SV2C: variants seen among roughly 807,000 people sequenced by gnomAD.
SV2C encodes the protein synaptic vesicle glycoprotein 2C.
Under a neutral mutation model 79.7 loss-of-function variants are expected in SV2C, and 49 were observed. That is an observed-to-expected ratio of 0.61 (90% CI 0.49 to 0.78). The LOEUF (loss-of-function observed/expected upper bound fraction) is 0.78, where lower values mean the gene tolerates loss of function less well. SV2C is among the 30% of genes least tolerant of loss of function. The pLI, the probability that SV2C is intolerant of heterozygous loss-of-function variation, is 0.00. For synonymous variants in SV2C, 334 were observed against 333.2 expected (o/e 1.00, Z -0.03); for missense variants, 833 against 912.9 (o/e 0.91, Z 1.13).
chr5:76,001,839 T>C, the SV2C span, among the ~76,000 whole-genome samples: 1 of 152,188 alleles, frequency 6.6e-6, no homozygotes, highest in African/African-American at 2.4e-5. Flanking sequence ...AAACAGGTGG[T>C]GTTCAGTTGC....
At chr5:75,884,307 G>T in the SV2C span, among the ~76,000 whole-genome samples, 1 of 152,108 alleles carries the variant, frequency 6.6e-6, no homozygotes, top group Admixed American at 6.6e-5. Context: ...TGCCAACAAT[G>T]CCATTTTGCT....
the SV2C span, among the ~76,000 whole-genome samples, chr5:75,913,917 G>T: frequency 6.6e-6 from 1 of 152,008 alleles, no homozygotes; most frequent in Non-Finnish European, 1.5e-5. Flanking sequence ...TTGTGATAAA[G>T]ATCATAGCTA....
intron 12 of SV2C, among the ~76,000 whole-genome samples, chr5:76,352,453 C>T (rs1749660102): frequency 6.6e-6 from 1 of 152,142 alleles, no homozygotes; most frequent in Non-Finnish European, 1.5e-5. Flanking sequence ...TTAACGTTAT[C>T]TCAAGAGTGG....
chr5:76,273,089 T>C (rs988780840), intron 4 of SV2C, among the ~76,000 whole-genome samples: 34 of 150,128 alleles, frequency 2.3e-4, no homozygotes, highest in Admixed American at 1.5e-3. Flanking sequence ...TGGTCAACAT[T>C]TGACTATCCT....
the SV2C span, among the ~76,000 whole-genome samples, chr5:75,936,583 G>A: frequency 6.6e-6 from 1 of 152,150 alleles, no homozygotes; most frequent in Admixed American, 6.6e-5. Flanking sequence ...TATGGGGTGG[G>A]CCACAGCTAA....
the SV2C span, among the ~76,000 whole-genome samples, chr5:75,920,307 A>G: frequency 6.6e-6 from 1 of 152,316 alleles, no homozygotes; most frequent in East Asian, 1.9e-4. Flanking sequence ...TTTCCTTTCA[A>G]GAACAAAAGT....
At chr5:76,061,953 C>CT in the SV2C span, among the ~76,000 whole-genome samples, 1 of 93,272 alleles carries the variant, frequency 1.1e-5, no homozygotes, top group Non-Finnish European at 1.9e-5. Flanking sequence ...CAAATTTTGG[C>CT]TTTTTTTTAA....
chr5:76,138,838 G>A (rs1232326414), intron 2 of SV2C, among the ~76,000 whole-genome samples: 1 of 152,168 alleles, frequency 6.6e-6, no homozygotes, highest in East Asian at 1.9e-4. Flanking sequence ...ACTATTTTGG[G>A]CCGGGCACAG....
At chr5:76,236,491 G>A (rs566721414) in intron 4 of SV2C, among the ~76,000 whole-genome samples, 1 of 152,078 alleles carries the variant, frequency 6.6e-6, no homozygotes, top group South Asian at 2.1e-4. Context: ...GAACCCAGGG[G>A]GCAGAGGTTG....
chr5:76,202,499 C>T (rs1744481488), intron 3 of SV2C, among the ~76,000 whole-genome samples: 1 of 152,176 alleles, frequency 6.6e-6, no homozygotes, highest in Admixed American at 6.5e-5. Flanking sequence ...GCTTCAGACT[C>T]AACCAGAAAT....
chr5:76,084,148 C>G (rs1225671639), intron 1 of SV2C: 1 of 152,332 alleles, frequency 6.6e-6, no homozygotes, highest in Non-Finnish European at 1.5e-5. Context: ...GCAGGGGAGC[C>G]CGCGGGGCTG....
chr5:76,098,471 T>A (rs1002043116), intron 1 of SV2C, among the ~76,000 whole-genome samples: 1 of 152,264 alleles, frequency 6.6e-6, no homozygotes, highest in Non-Finnish European at 1.5e-5. Context: ...GCTGGAGTAT[T>A]GATAAAGGCA....
intron 1 of SV2C, among the ~76,000 whole-genome samples, chr5:76,091,195 T>C (rs1423194958): frequency 6.6e-6 from 1 of 152,152 alleles, no homozygotes; most frequent in African/African-American, 2.4e-5. Context: ...AAGTGTAAAG[T>C]CTATTACTTT....
At chr5:76,208,191 C>A (rs1351665177) in intron 3 of SV2C, among the ~76,000 whole-genome samples, 6 of 152,146 alleles carry the variant, frequency 3.9e-5, no homozygotes, top group Middle Eastern at 3.4e-3. Flanking sequence ...ACACTGTGAC[C>A]CATTATATAT....
At chr5:76,311,804 C>G (rs1195108444) in intron 12 of SV2C, among the ~76,000 whole-genome samples, 1 of 152,164 alleles carries the variant, frequency 6.6e-6, no homozygotes, top group Admixed American at 6.5e-5. Context: ...CCTTTTCCCT[C>G]ATTTCTCCGT....
the SV2C span, among the ~76,000 whole-genome samples, chr5:76,001,569 A>G: frequency 6.6e-6 from 1 of 150,408 alleles, no homozygotes; most frequent in Non-Finnish European, 1.5e-5. Flanking sequence ...AGCCTGGGTG[A>G]CAGAGCAAGA....
chr5:76,113,214 G>A (rs894436761), intron 1 of SV2C, among the ~76,000 whole-genome samples: 20 of 152,106 alleles, frequency 1.3e-4, no homozygotes, highest in Non-Finnish European at 1.8e-4. Flanking sequence ...GCTCAGCTTC[G>A]ACCTCACTCC....
the SV2C span, among the ~76,000 whole-genome samples, chr5:75,985,593 G>A: frequency 6.6e-6 from 1 of 151,870 alleles, no homozygotes; most frequent in African/African-American, 2.4e-5. Context: ...CCAGAAATGG[G>A]GAAAGATGTC....
rs183407424 is a variant in SV2C at position 76,159,318 on chromosome 5, T to C, written c.580+26988T>C. Reference sequence around the variant, plus strand: ...GAAAAATAAATAAAAGACATCCCGATTGGCAAGAAGAAACAAAAGTATCTC... The same window carrying C: ...GAAAAATAAATAAAAGACATCCCGACTGGCAAGAAGAAACAAAAGTATCTC... On this transcript the variant is annotated intron_variant, in intron 2 of 12. Transcript: ENST00000502798. 4.6e-5 allele frequency among the ~76,000 whole-genome samples: 7 copies of C among 152,132 alleles called. No individual in the cohort carries two copies. In the Middle Eastern group the frequency reaches 0.014, roughly 296 times the overall value.
Sources: allele counts gnomAD v4.1 joint callset (sites outside exome capture counted in the v4.1 genomes callset), GRCh38; gene constraint gnomAD v4.1.1; transcripts MANE v1.5; gene names NCBI Gene and HGNC (gene_info 2026-07-23, HGNC 2026-07-21).